Variants in HACE1 observed in about 807,000 individuals in gnomAD.
The protein encoded by HACE1 is HECT domain and ankyrin repeat containing E3 ubiquitin protein ligase 1.
Under a neutral mutation model 118.4 loss-of-function variants are expected in HACE1, and 73 were observed. The ratio of observed to expected loss-of-function variants is 0.62; its 90% CI spans 0.51 to 0.75. The LOEUF (loss-of-function observed/expected upper bound fraction) is 0.75. HACE1 is among the 30% of genes least tolerant of loss of function. The probability of loss-of-function intolerance (pLI) is 0.00; values close to 1 mark genes in which losing one functional copy is unlikely to be tolerated. For synonymous variants in HACE1, 368 were observed against 374.8 expected, an observed-to-expected ratio of 0.98 and a Z score of 0.21; for missense variants, 749 against 1,102.2, an observed-to-expected ratio of 0.68 and a Z score of 4.54.
chr6:104,738,556 G>A (rs1268750200), intron 22 of HACE1, among the ~76,000 whole-genome samples: 3 of 149,600 alleles, frequency 2.0e-5, no homozygotes, highest in Non-Finnish European at 4.4e-5. Flanking sequence ...TCAACAGGAA[G>A]AAAGGGTATC....
At chr6:104,803,912 G>A (rs1256458216) in intron 7 of HACE1, among the ~76,000 whole-genome samples, 2 of 152,156 alleles carry the variant, frequency 1.3e-5, no homozygotes, top group East Asian at 1.9e-4. Context: ...TAGGAAAAGA[G>A]GAAGTCAAAC....
intron 19 of HACE1, among the ~76,000 whole-genome samples, chr6:104,769,227 G>T (rs1031818129): frequency 6.6e-6 from 1 of 151,884 alleles, no homozygotes; most frequent in African/African-American, 2.4e-5. Flanking sequence ...TAGAGATGAG[G>T]TCTCACTATG....
At chr6:104,820,447 CAA>C (rs1772596748) in intron 6 of HACE1, among the ~76,000 whole-genome samples, 1 of 151,996 alleles carries the variant, frequency 6.6e-6, no homozygotes, top group Non-Finnish European at 1.5e-5. Flanking sequence ...ATGCATCTGA[CAA>C]AAGTCTAATA....
chr6:104,816,764 C>G (rs1772160784), intron 6 of HACE1, among the ~76,000 whole-genome samples: 1 of 152,282 alleles, frequency 6.6e-6, no homozygotes, highest in Admixed American at 6.5e-5. Context: ...AAAAGCCACA[C>G]GTACTCAATG....
intron 6 of HACE1, among the ~76,000 whole-genome samples, chr6:104,826,698 T>G (rs1430587312): frequency 1.3e-5 from 2 of 152,246 alleles, no homozygotes; most frequent in Non-Finnish European, 2.9e-5. Flanking sequence ...ATTACCTATG[T>G]ATTTTTCAAG....
At chr6:104,780,948 T>C (rs1781674523) in intron 14 of HACE1, among the ~76,000 whole-genome samples, 1 of 152,114 alleles carries the variant, frequency 6.6e-6, no homozygotes, top group African/African-American at 2.4e-5. Flanking sequence ...CCCTCAACTG[T>C]ATTTAGTCTG....
chr6:104,799,421 T>C (rs889704921), intron 7 of HACE1, among the ~76,000 whole-genome samples: 9 of 152,342 alleles, frequency 5.9e-5, no homozygotes, highest in Non-Finnish European at 1.2e-4. Context: ...CAAAAGCTCA[T>C]TACTTACAAA....
At chr6:104,760,281 T>C (rs1377095919) in intron 19 of HACE1, among the ~76,000 whole-genome samples, 2 of 151,926 alleles carry the variant, frequency 1.3e-5, no homozygotes, top group Non-Finnish European at 2.9e-5. Context: ...CTGATGAAAA[T>C]CAATGCAAAA....
intron 19 of HACE1, among the ~76,000 whole-genome samples, chr6:104,753,084 A>T (rs1264322678): frequency 6.6e-6 from 1 of 152,244 alleles, no homozygotes; most frequent in Non-Finnish European, 1.5e-5. Flanking sequence ...CTCGCTAAAC[A>T]GTACACCTTC....
At chr6:104,848,633 T>C (rs1167760151) in intron 4 of HACE1, among the ~76,000 whole-genome samples, 1 of 152,172 alleles carries the variant, frequency 6.6e-6, no homozygotes, top group Non-Finnish European at 1.5e-5. Flanking sequence ...AAGATTACTC[T>C]GGTACAGCTC....
intron 19 of HACE1, among the ~76,000 whole-genome samples, chr6:104,764,581 A>G (rs915533945): frequency 6.6e-6 from 1 of 151,656 alleles, no homozygotes; most frequent in Admixed American, 6.6e-5. Context: ...TGTGAATGCC[A>G]TATTTTCACC....
intron 6 of HACE1, among the ~76,000 whole-genome samples, chr6:104,821,927 A>C (rs368384864): frequency 1.3e-5 from 2 of 152,186 alleles, no homozygotes; most frequent in Admixed American, 6.5e-5. Flanking sequence ...GTATGGTTTT[A>C]AAGTAATGCT....
chr6:104,741,656 A>G (rs1237447093), intron 22 of HACE1, among the ~76,000 whole-genome samples: 1 of 144,124 alleles, frequency 6.9e-6, no homozygotes, highest in Non-Finnish European at 1.5e-5. Context: ...CAAGGAAATA[A>G]AAGAGGATAC....
At chr6:104,751,472 T>G (rs561208105) in intron 19 of HACE1, among the ~76,000 whole-genome samples, 1 of 152,186 alleles carries the variant, frequency 6.6e-6, no homozygotes, top group South Asian at 2.1e-4. Context: ...AAAATTTAAC[T>G]GGTAATAAGC....
intron 5 of HACE1, among the ~76,000 whole-genome samples, chr6:104,834,210 C>T (rs547015508): frequency 1.3e-5 from 2 of 152,206 alleles, no homozygotes; most frequent in African/African-American, 4.8e-5. Flanking sequence ...ATACTAAGCT[C>T]CCAATCATCA....
chr6:104,751,551 G>A (rs1415525996), intron 19 of HACE1, among the ~76,000 whole-genome samples: 1 of 152,104 alleles, frequency 6.6e-6, no homozygotes, highest in Non-Finnish European at 1.5e-5. Context: ...CATTGCTTGA[G>A]CCCAGGAGTT....
chr6:104,805,876 C>A (rs1306507162), intron 7 of HACE1, among the ~76,000 whole-genome samples: 1 of 150,940 alleles, frequency 6.6e-6, no homozygotes, highest in Non-Finnish European at 1.5e-5. Context: ...CAAAAAAAAA[C>A]AATTTAGTAC....
intron 6 of HACE1, 119 bp from the exon 7 acceptor site, chr6:104,811,512 C>A: frequency 1.6e-6 from 1 of 616,934 alleles, no homozygotes. Context: ...TACATAGGAA[C>A]TGAGTGGGCA....
chr6:104,805,365 A>G (rs1770871794), intron 7 of HACE1, among the ~76,000 whole-genome samples: 2 of 152,214 alleles, frequency 1.3e-5, no homozygotes, highest in African/African-American at 4.8e-5. Flanking sequence ...TATATACCCA[A>G]TGGATTATAA....
Sources: allele counts gnomAD v4.1 joint callset (sites outside exome capture counted in the v4.1 genomes callset), GRCh38; gene constraint gnomAD v4.1.1; transcripts MANE v1.5; gene names NCBI Gene and HGNC (gene_info 2026-07-23, HGNC 2026-07-21).